The following KCNIP4 variants were observed in gnomAD, a reference collection of about 807,000 sequenced individuals.
KCNIP4 encodes the protein potassium voltage-gated channel interacting protein 4.
In KCNIP4, 12 loss-of-function variants were observed where a neutral mutation model predicts 34.0. That is an observed-to-expected ratio of 0.35 (90% CI 0.23 to 0.57). The LOEUF is 0.57. Among genes scored for constraint, KCNIP4 ranks in the 20% least tolerant of loss-of-function variants. The pLI, the probability that KCNIP4 is intolerant of heterozygous loss-of-function variation, is 0.83. For synonymous variants in KCNIP4, 124 were observed against 102.2 expected, an observed-to-expected ratio of 1.21 and a Z score of -1.29; for missense variants, 238 against 311.7, an observed-to-expected ratio of 0.76 and a Z score of 1.78.
intron 1 of KCNIP4, among the ~76,000 whole-genome samples, chr4:21,423,808 A>ATTT (rs58053047): frequency 7.1e-6 from 1 of 141,356 alleles, no homozygotes. Context: ...ACTTATGAGA[A>ATTT]TTTTTTTTTT....
intron 1 of KCNIP4, among the ~76,000 whole-genome samples, chr4:21,912,056 C>T (rs1285928835): frequency 1.3e-5 from 2 of 151,878 alleles, no homozygotes; most frequent in African/African-American, 4.8e-5. Context: ...GTGCTATAAC[C>T]ATAACTGCAA....
intron 1 of KCNIP4, among the ~76,000 whole-genome samples, chr4:21,066,409 T>A (rs953504003): frequency 2.0e-5 from 3 of 152,016 alleles, no homozygotes; most frequent in African/African-American, 7.2e-5. Flanking sequence ...GAATCAAAAA[T>A]CAGGTAAGTG....
intron 1 of KCNIP4, among the ~76,000 whole-genome samples, chr4:20,928,401 G>C (rs923894167): frequency 6.6e-6 from 1 of 151,236 alleles, no homozygotes; most frequent in Admixed American, 6.6e-5. Context: ...AACTCAAAAG[G>C]GAAGTTAAAA....
chr4:21,590,419 T>A (rs58970572), intron 1 of KCNIP4, among the ~76,000 whole-genome samples: 11,508 of 151,910 alleles, frequency 0.076, 713 homozygotes, highest in African/African-American at 0.16. Flanking sequence ...ATCTCAAGAC[T>A]GTGACACAAG....
At chr4:20,873,452 C>G (rs1199950497) in intron 2 of KCNIP4, among the ~76,000 whole-genome samples, 1 of 152,128 alleles carries the variant, frequency 6.6e-6, no homozygotes, top group African/African-American at 2.4e-5. Flanking sequence ...TCGTCTTTCT[C>G]TTTCTCTCTC....
At chr4:21,707,873 C>T (rs951634414) in intron 1 of KCNIP4, among the ~76,000 whole-genome samples, 4 of 151,364 alleles carry the variant, frequency 2.6e-5, no homozygotes, top group South Asian at 2.1e-4. Flanking sequence ...AAGGATGAGA[C>T]GTGTCCTCAA....
chr4:20,910,072 A>G (rs569776479), intron 1 of KCNIP4, among the ~76,000 whole-genome samples: 7 of 152,342 alleles, frequency 4.6e-5, no homozygotes, highest in African/African-American at 1.4e-4. Flanking sequence ...TATTCTTAAT[A>G]GATACATTTT....
chr4:21,236,758 C>A (rs1759386568), intron 1 of KCNIP4, among the ~76,000 whole-genome samples: 1 of 151,814 alleles, frequency 6.6e-6, no homozygotes, highest in African/African-American at 2.4e-5. Context: ...GTCTGTTATC[C>A]CAGCACTTTG....
In KCNIP4 at chr4:21,830,553, A is replaced by T. The variant is rs746724803; in HGVS notation, c.61+118018T>A. On this transcript the variant is annotated intron_variant, in intron 1 of 8. Coordinates refer to ENST00000382152, the MANE Select transcript of KCNIP4 (RefSeq NM_025221.6). ...AATTCGCCGGGTGCCACTGTGCTGT[A>T]ATCCCAGCTACTCAGGAAGCTGTGG... 8.5e-5 allele frequency among the ~76,000 whole-genome samples: 13 copies of T among 152,048 alleles called. 1 individual carries two copies. Among genetic ancestry groups the T allele is most frequent in the Non-Finnish European group, 1.6e-4 (11 of 68,008 alleles).
chr4:20,770,008 A>C (rs1755734481), intron 3 of KCNIP4, among the ~76,000 whole-genome samples: 1 of 152,240 alleles, frequency 6.6e-6, no homozygotes, highest in South Asian at 2.1e-4. Flanking sequence ...GCAAAATCTC[A>C]TCACAGTAGT....
chr4:20,988,038 A>C (rs375792199), intron 1 of KCNIP4, among the ~76,000 whole-genome samples: 1 of 150,710 alleles, frequency 6.6e-6, no homozygotes, highest in Admixed American at 6.6e-5. Flanking sequence ...GATATTAACT[A>C]ATTTAATCCT....
At chr4:21,001,837 G>A (rs1445050535) in intron 1 of KCNIP4, among the ~76,000 whole-genome samples, 1 of 152,188 alleles carries the variant, frequency 6.6e-6, no homozygotes, top group Non-Finnish European at 1.5e-5. Flanking sequence ...ACTGCTGTAA[G>A]ACCCTCTTTC....
chr4:20,730,248 C>CAAAT, intron 8 of KCNIP4, 119 bp from the exon 9 acceptor site: 1 of 1,279,036 alleles, frequency 7.8e-7, no homozygotes, highest in South Asian at 1.8e-5. Flanking sequence ...GCCAAAAGCT[C>CAAAT]AAATATTAAG....
At chr4:21,346,875 AT>A (rs1717484470) in intron 1 of KCNIP4, among the ~76,000 whole-genome samples, 1 of 152,132 alleles carries the variant, frequency 6.6e-6, no homozygotes, top group East Asian at 1.9e-4. Context: ...ACTGCACCTC[AT>A]GGTTTTAGGT....
chr4:21,146,478 A>G (rs544989047), intron 1 of KCNIP4, among the ~76,000 whole-genome samples: 6 of 152,314 alleles, frequency 3.9e-5, no homozygotes, highest in South Asian at 4.1e-4. Flanking sequence ...AGCTACCAGC[A>G]TTTATCTTTA....
intron 1 of KCNIP4, among the ~76,000 whole-genome samples, chr4:21,881,628 T>C (rs1485209310): frequency 2.0e-5 from 3 of 152,160 alleles, no homozygotes; most frequent in Non-Finnish European, 2.9e-5. Flanking sequence ...GCACACAGTA[T>C]TAAGCAGAGT....
At chr4:21,916,174 C>T (rs1275786145) in intron 1 of KCNIP4, among the ~76,000 whole-genome samples, 6 of 152,176 alleles carry the variant, frequency 3.9e-5, no homozygotes, top group South Asian at 2.1e-4. Context: ...AGAGTAAAGA[C>T]GTGACTATAT....
chr4:21,723,824 T>A (rs1010678449), intron 1 of KCNIP4, among the ~76,000 whole-genome samples: 2 of 152,142 alleles, frequency 1.3e-5, no homozygotes, highest in Non-Finnish European at 2.9e-5. Context: ...GTCTGGACTA[T>A]GAAAAACACA....
chr4:21,267,902 T>C (rs906770773), intron 1 of KCNIP4, among the ~76,000 whole-genome samples: 13 of 151,524 alleles, frequency 8.6e-5, no homozygotes, highest in Admixed American at 8.5e-4. Flanking sequence ...TTCTATTGAT[T>C]GGAATAGTTT....
Sources: gnomAD v4.1 joint callset for allele counts (sites outside exome capture counted in the v4.1 genomes callset) on GRCh38, gnomAD v4.1.1 for gene constraint, MANE v1.5 for transcripts, NCBI Gene and HGNC (gene_info 2026-07-23, HGNC 2026-07-21) for gene names.